The following EXD3 variants were observed in gnomAD, a reference collection of about 807,000 sequenced individuals.
EXD3 encodes exonuclease mut-7 homolog.
EXD3 carries 92 observed loss-of-function variants against 98.0 expected under a neutral mutation model. The ratio of observed to expected loss-of-function variants is 0.94; its 90% CI spans 0.79 to 1.12. EXD3 has a LOEUF of 1.12. Among genes scored for constraint, EXD3 ranks in the 50% most tolerant of loss-of-function variants. EXD3 has a pLI of 0.00. For synonymous variants in EXD3, 569 were observed against 526.0 expected, an observed-to-expected ratio of 1.08 and a Z score of -1.12; for missense variants, 1,222 against 1,191.6, an observed-to-expected ratio of 1.03 and a Z score of -0.38.
At chr9:137,366,773 C>A in intron 6 of EXD3, 141 bp from the exon 7 acceptor site, 1 of 1,094,186 alleles carries the variant, frequency 9.1e-7, no homozygotes, top group Non-Finnish European at 1.3e-6. Flanking sequence ...CTCGCCCGGC[C>A]AGTGCTCACG....
intron 17 of EXD3, among the ~76,000 whole-genome samples, chr9:137,330,706 T>G (rs1588276610): frequency 6.6e-6 from 1 of 152,086 alleles, no homozygotes; most frequent in African/African-American, 2.4e-5. Flanking sequence ...GTGGAGGGTT[T>G]TCAAAGTTCT....
At position 137,407,162 on chromosome 9, in the gene EXD3, C is replaced by T. The variant is rs1482303289; in HGVS notation, c.-47-11758G>A. On this transcript the variant is annotated intron_variant, in intron 1 of 21. Coordinates refer to ENST00000340951, the MANE Select transcript of EXD3 (RefSeq NM_017820.5). The surrounding 1 kb of genome is among the most constrained non-coding windows in gnomAD (Gnocchi z 4.4). ...CCGCGCGTCCGGGCCGGTCTCTGGG[C>T]CCCTCTGCTGGTGGAACCCGGCAGC... Among the ~76,000 whole-genome samples the T allele has an allele frequency of 1.3e-5, 2 of 152,194 alleles. No homozygotes were observed. Among genetic ancestry groups the T allele is most frequent in the Non-Finnish European group, 2.9e-5 (2 of 68,020 alleles).
Position 137,373,425 on chromosome 9 carries a change from C to A in EXD3, c.294+1G>T, listed in dbSNP as rs748701830. 5 of 1,605,988 alleles carry A rather than the reference C, an allele frequency of 3.1e-6. No homozygotes were observed. The highest frequency in any genetic ancestry group is 4.2e-6 in the Non-Finnish European group (5 of 1,179,236). On this transcript the variant is annotated splice_donor_variant, in intron 4 of 21. Coordinates refer to ENST00000340951, the MANE Select transcript of EXD3 (RefSeq NM_017820.5). LOFTEE classifies it high-confidence loss of function. Reference sequence around the variant, plus strand: ...GACTGTCACAGAACCCATGGGCTCACCTGGGCCAGGCTCGGGCATGGCTGT... The same window carrying A: ...GACTGTCACAGAACCCATGGGCTCAACTGGGCCAGGCTCGGGCATGGCTGT...
At chr9:137,317,624 G>C (rs1416020534) in intron 19 of EXD3, among the ~76,000 whole-genome samples, 1 of 152,088 alleles carries the variant, frequency 6.6e-6, no homozygotes, top group East Asian at 1.9e-4. Flanking sequence ...CCTTCTGGAG[G>C]GTCTCCAGCC....
At chr9:137,320,612 C>A (rs894632658) in intron 19 of EXD3, among the ~76,000 whole-genome samples, 2 of 152,130 alleles carry the variant, frequency 1.3e-5, no homozygotes, top group African/African-American at 4.8e-5. Flanking sequence ...GTCAGGGCGG[C>A]CCCCACTGCT....
Position 137,348,208 on chromosome 9 carries a change from C to T in EXD3, c.1861G>A (p.Ala621Thr), listed in dbSNP as rs200202616. The T allele has an allele frequency of 7.4e-5, 120 of 1,611,674 alleles. No individual in the cohort carries two copies. The African/African-American group carries it at 1.1e-3, about 15-fold the overall frequency. Residue 621 changes from alanine to threonine, a missense_variant, in exon 17 of 22, where the codon GCT (alanine) becomes ACT (threonine). Ala to Thr is a moderately conservative substitution (Grantham distance 58). Coordinates refer to ENST00000340951, the MANE Select transcript of EXD3 (RefSeq NM_017820.5). ...VPVAVAVSEGAAPQIPARAFR... is the reference protein window; with the variant it reads ...VPVAVAVSEGTAPQIPARAFR... ...GCCCTGGCCGGAATCTGAGGGGCAG[C>T]GCCCTCAGACACAGCCACAGCCACA... is the stretch of plus-strand genomic sequence containing the variant.
intron 1 of EXD3, among the ~76,000 whole-genome samples, chr9:137,416,002 A>G (rs1470171888): frequency 6.6e-6 from 1 of 152,206 alleles, no homozygotes; most frequent in Non-Finnish European, 1.5e-5. Context: ...TGAATACTAC[A>G]CAATGTATAC....
At chr9:137,354,802 G>A (rs11562624) in intron 8 of EXD3, 29 bp from the exon 9 acceptor site, 1,073,200 of 1,595,516 alleles carry the variant, frequency 0.67, 366,055 homozygotes, top group South Asian at 0.83. Flanking sequence ...TCAGCACTGA[G>A]GGCTCAGGGC....
At chr9:137,309,454 C>T (rs565590453) in intron 20 of EXD3, among the ~76,000 whole-genome samples, 153 bp downstream of exon 20, 1 of 152,298 alleles carries the variant, frequency 6.6e-6, no homozygotes, top group South Asian at 2.1e-4. Flanking sequence ...CTGTTGTCAC[C>T]TGGCTGTGGT....
intron 21 of EXD3, 89 bp from the exon 22 acceptor site, chr9:137,307,352 G>A (rs1205127550): frequency 3.5e-6 from 5 of 1,432,116 alleles, no homozygotes; most frequent in Non-Finnish European, 4.6e-6. Flanking sequence ...GGCGGCCCAC[G>A]CTGAGCCCAC....
chr9:137,326,100 C>A (rs1832388508), intron 17 of EXD3, among the ~76,000 whole-genome samples: 1 of 150,408 alleles, frequency 6.6e-6, no homozygotes, highest in Non-Finnish European at 1.5e-5. Context: ...AAAAAAGACT[C>A]TTAGAAGAAG....
intron 7 of EXD3, among the ~76,000 whole-genome samples, chr9:137,358,839 C>G (rs1834919190): frequency 6.6e-6 from 1 of 151,924 alleles, no homozygotes; most frequent in African/African-American, 2.4e-5. Context: ...GCATGCCCCA[C>G]CACGGCTGGC....
rs1832657156 is a variant in EXD3 at position 137,328,624 on chromosome 9, A to ACACGGGGTCG, written c.1999-4482_1999-4481insCGACCCCGTG. 2.1e-4 allele frequency among the ~76,000 whole-genome samples: 19 copies of ACACGGGGTCG among 91,964 alleles called. 3 individuals carry two copies. The highest frequency in any genetic ancestry group is 1.8e-3 in the Admixed American group (17 of 9,660). The allele number at this position is 91,964 out of a possible 152,430, so 60.3% of individuals were successfully genotyped here. A position where few individuals can be genotyped will look rare whatever the true frequency, so the allele number is the denominator to read the frequency against. ...GGACTACACGGGGCTACACGGGACT[A>ACACGGGGTCG]CACGGGACTACACGGGGCTACACGG... On this transcript the variant is annotated intron_variant, in intron 17 of 21. Transcript: ENST00000340951.
In EXD3 at chr9:137,306,908, C is replaced by A. The variant is rs368309115; in HGVS notation, c.*42G>T. On this transcript the variant is annotated 3_prime_UTR_variant, in exon 22 of 22. Coordinates refer to ENST00000340951, the MANE Select transcript of EXD3 (RefSeq NM_017820.5). ...ATGTGAGCCAGTCCACGGCCATGGGCCCAGCAGTCGGGCACTTTCCATGTT... is the reference window on the plus strand; with the variant it reads ...ATGTGAGCCAGTCCACGGCCATGGGACCAGCAGTCGGGCACTTTCCATGTT... 2 of 1,520,326 alleles carry A rather than the reference C, an allele frequency of 1.3e-6. No individual in the cohort carries two copies. Among genetic ancestry groups the A allele is most frequent in the Non-Finnish European group, 8.8e-7 (1 of 1,134,934 alleles). 94.2% of individuals were successfully genotyped at this position (1,520,326 alleles called of 1,614,324 possible). A position where few individuals can be genotyped will look rare whatever the true frequency, so the allele number is the denominator to read the frequency against.
At position 137,323,808 on chromosome 9, in the gene EXD3, G is replaced by A. The variant is rs1214054860; in HGVS notation, c.2101C>T (p.Leu701=). The A allele has an allele frequency of 1.2e-6, 2 of 1,612,248 alleles. No individual in the cohort carries two copies. Among genetic ancestry groups the A allele is most frequent in the South Asian group, 2.2e-5 (2 of 91,070 alleles). The part of the protein sequence containing the change: ...AGRCLSVDCS[L]KAQQQAKAVL... Reference sequence around the variant, plus strand: ...GCCTTGGCCTGCTGCTGGGCCTTCAGGGAGCAGTCGACCGAGAGGCAGCGC... The same window carrying A: ...GCCTTGGCCTGCTGCTGGGCCTTCAAGGAGCAGTCGACCGAGAGGCAGCGC... The change falls in exon 19 of 22, where the codon CTG becomes TTG. Residue 701 remains leucine, a synonymous_variant. Transcript: ENST00000340951.
intron 7 of EXD3, among the ~76,000 whole-genome samples, chr9:137,358,467 C>T (rs1834900142): frequency 6.6e-6 from 1 of 152,150 alleles, no homozygotes; most frequent in South Asian, 2.1e-4. Flanking sequence ...CTTCCTGTGC[C>T]TCCCGGGGGC....
intron 1 of EXD3, among the ~76,000 whole-genome samples, chr9:137,421,830 C>T (rs1216493818): frequency 6.6e-6 from 1 of 152,088 alleles, no homozygotes; most frequent in Non-Finnish European, 1.5e-5. Context: ...AGAGCAAGAC[C>T]CCATTTCTAA....
chr9:137,370,756 C>T (rs75315968), intron 5 of EXD3, among the ~76,000 whole-genome samples: 11,335 of 151,174 alleles, frequency 0.075, 840 homozygotes, highest in Admixed American at 0.18. Flanking sequence ...ACAGCCCTGC[C>T]TCCCACCTCT....
At chr9:137,406,139 C>T (rs1233419699) in intron 1 of EXD3, among the ~76,000 whole-genome samples, 5 of 151,310 alleles carry the variant, frequency 3.3e-5, no homozygotes, top group Non-Finnish European at 7.4e-5. Context: ...CCGCTTGAGC[C>T]CAGGAGGTCA....
Sources: allele counts gnomAD v4.1 joint callset (sites outside exome capture counted in the v4.1 genomes callset), GRCh38; gene constraint gnomAD v4.1.1; non-coding constraint Gnocchi (gnomAD v3.1); transcripts MANE v1.5; gene names NCBI Gene and HGNC (gene_info 2026-07-23, HGNC 2026-07-21).